Variants in CNOT4 observed in about 807,000 individuals in gnomAD.
The protein encoded by CNOT4 is CCR4-associated factor 4.
CNOT4 carries 8 observed loss-of-function variants against 73.8 expected under a neutral mutation model. That is an observed-to-expected ratio of 0.11 (90% confidence interval 0.06 to 0.20). The LOEUF (loss-of-function observed/expected upper bound fraction) is 0.20, where lower values mean the gene tolerates loss of function less well. CNOT4 is among the 10% of genes least tolerant of loss of function. The probability of loss-of-function intolerance (pLI) is 1.00; values close to 1 mark genes in which losing one functional copy is unlikely to be tolerated. For missense variants in CNOT4, 564 were observed against 883.4 expected, an observed-to-expected ratio of 0.64 and a Z score of 4.58; for synonymous variants, 293 against 321.1, an observed-to-expected ratio of 0.91 and a Z score of 0.94.
Position 135,413,484 on chromosome 7 carries a change from C to CT in CNOT4, c.687+3dup. 6.2e-7 allele frequency: 1 copy of CT among 1,610,896 alleles called. No homozygotes were observed. Among genetic ancestry groups the CT allele is most frequent in the Non-Finnish European group, 8.5e-7 (1 of 1,177,892 alleles). On this transcript the variant is annotated splice_donor_region_variant and intron_variant, in intron 6 of 11. Coordinates refer to ENST00000541284, the MANE Select transcript of CNOT4 (RefSeq NM_001190850.2). ...AAAGTTGATAATTCACATGACTTTA[C>CT]TACCTGCATTTCCTCTTTTGTGAAG...
intron 1 of CNOT4, among the ~76,000 whole-genome samples, chr7:135,468,114 G>A (rs1801339820): frequency 6.6e-6 from 1 of 151,972 alleles, no homozygotes; most frequent in Non-Finnish European, 1.5e-5. Flanking sequence ...TACTTGGGGG[G>A]CTGAGGCAGG....
chr7:135,480,937 T>TA (rs1802337765), intron 1 of CNOT4, among the ~76,000 whole-genome samples: 1 of 143,986 alleles, frequency 6.9e-6, no homozygotes, highest in African/African-American at 2.6e-5. Flanking sequence ...CTCACCATAT[T>TA]AAAAAAATAG....
intron 1 of CNOT4, among the ~76,000 whole-genome samples, chr7:135,470,040 C>G (rs1801477430): frequency 6.6e-6 from 1 of 152,006 alleles, no homozygotes. Flanking sequence ...TTAGGCTGGT[C>G]TCGAACTCCT....
At position 135,458,128 on chromosome 7, in the gene CNOT4, T is replaced by C. The variant is rs544896362; in HGVS notation, c.-92-19705A>G. Among the ~76,000 whole-genome samples, 37 of 152,082 alleles carry C rather than the reference T, an allele frequency of 2.4e-4. 1 individual carries two copies. Among genetic ancestry groups the C allele is most frequent in the Non-Finnish European group, 4.6e-4 (31 of 67,986 alleles). On this transcript the variant is annotated intron_variant, in intron 1 of 11. Transcript: ENST00000541284. Reference sequence around the variant, plus strand: ...CCTACACAGGCATACCCAGAAGATATTGTAGATTCAGTTCCAGGCACCTGC... The same window carrying C: ...CCTACACAGGCATACCCAGAAGATACTGTAGATTCAGTTCCAGGCACCTGC...
intron 10 of CNOT4, chr7:135,388,967 A>G (rs2129483182): frequency 1.4e-6 from 2 of 1,393,848 alleles, no homozygotes; most frequent in Non-Finnish European, 2.0e-6. Context: ...AATGATTTCA[A>G]TATTTGGAAT....
chr7:135,408,989 T>C (rs1391432142), intron 7 of CNOT4, among the ~76,000 whole-genome samples: 2 of 152,206 alleles, frequency 1.3e-5, no homozygotes, highest in African/African-American at 4.8e-5. Flanking sequence ...TATAGTTTTA[T>C]ATTCAGAAGA....
intron 1 of CNOT4, among the ~76,000 whole-genome samples, chr7:135,487,160 A>T (rs553150262): frequency 3.3e-5 from 5 of 151,758 alleles, no homozygotes; most frequent in South Asian, 4.2e-4. Context: ...ACAACCATTT[A>T]AAAAAAAGTT....
chr7:135,468,107 T>G (rs1428067580), intron 1 of CNOT4, among the ~76,000 whole-genome samples: 1 of 151,820 alleles, frequency 6.6e-6, no homozygotes, highest in African/African-American at 2.4e-5. Flanking sequence ...TCCCAGCTAC[T>G]TGGGGGGCTG....
chr7:135,501,566 T>C (rs1014247995), intron 1 of CNOT4, among the ~76,000 whole-genome samples: 8 of 152,176 alleles, frequency 5.3e-5, no homozygotes, highest in Non-Finnish European at 7.3e-5. Flanking sequence ...AAACCTCAAG[T>C]GTCATCCCCA....
chr7:135,430,930 T>C (rs951964389), intron 2 of CNOT4, among the ~76,000 whole-genome samples: 6 of 152,098 alleles, frequency 3.9e-5, no homozygotes, highest in African/African-American at 1.2e-4. Flanking sequence ...TATTAAACAC[T>C]AGAGGAGTTA....
intron 7 of CNOT4, 23 bp downstream of exon 7, chr7:135,410,492 T>C: frequency 7.1e-7 from 1 of 1,416,378 alleles, no homozygotes; most frequent in Non-Finnish European, 9.4e-7. Flanking sequence ...GTAAGATGTC[T>C]GACTATCAAT....
At chr7:135,451,200 T>C (rs1048158050) in intron 1 of CNOT4, among the ~76,000 whole-genome samples, 3 of 152,162 alleles carry the variant, frequency 2.0e-5, no homozygotes, top group African/African-American at 7.2e-5. Flanking sequence ...ATCAGTAAAA[T>C]TAAATAAAGC....
At chr7:135,406,334 A>G (rs544471763) in intron 7 of CNOT4, among the ~76,000 whole-genome samples, 355 of 118,154 alleles carry the variant, frequency 3.0e-3, no homozygotes, top group African/African-American at 0.011. Flanking sequence ...TTTCTATATC[A>G]TGTACTTATG....
chr7:135,500,706 C>T (rs977027142), intron 1 of CNOT4, among the ~76,000 whole-genome samples: 11 of 152,180 alleles, frequency 7.2e-5, no homozygotes, highest in Admixed American at 4.6e-4. Context: ...TGCCCTACTT[C>T]ATCAGAATTT....
intron 2 of CNOT4, among the ~76,000 whole-genome samples, chr7:135,428,697 A>T (rs976583028): frequency 6.6e-6 from 1 of 152,182 alleles, no homozygotes; most frequent in Non-Finnish European, 1.5e-5. Context: ...AGAGATTAAG[A>T]GACATAGAAG....
intron 1 of CNOT4, among the ~76,000 whole-genome samples, chr7:135,459,875 A>G (rs538533554): frequency 1.8e-4 from 28 of 152,362 alleles, no homozygotes; most frequent in African/African-American, 6.7e-4. Context: ...AAATCTGTTT[A>G]GTGTAGCCAT....
chr7:135,388,970 T>A, intron 10 of CNOT4: 1 of 1,358,102 alleles, frequency 7.4e-7, no homozygotes, highest in East Asian at 2.4e-5. Flanking sequence ...GATTTCAATA[T>A]TTGGAATACT....
rs1797537009 is a variant in CNOT4 at position 135,410,538 on chromosome 7, C to G, written c.798G>C (p.Val266=). 1 of 1,551,738 alleles carries G rather than the reference C, an allele frequency of 6.4e-7. No homozygotes were observed. Among genetic ancestry groups the G allele is most frequent in the South Asian group, 1.2e-5 (1 of 80,504 alleles). Residue 266 remains valine (V), a synonymous_variant, in exon 7 of 12, where the codon GTG becomes GTC. Transcript: ENST00000541284. ...TGSVDKNKNK[V]TPLQRYDTPI... ...ACGTATCGTACCTCTGCAGTGGTGT[C>G]ACTTTGTTCTTATTTTTATCAACTG... is the stretch of plus-strand genomic sequence containing the variant.
At chr7:135,463,171 C>A (rs1800982368) in intron 1 of CNOT4, among the ~76,000 whole-genome samples, 1 of 152,128 alleles carries the variant, frequency 6.6e-6, no homozygotes, top group African/African-American at 2.4e-5. Context: ...CAATGCTGGA[C>A]CGCTACCTTA....
Sources: allele counts gnomAD v4.1 joint callset (sites outside exome capture counted in the v4.1 genomes callset), GRCh38; gene constraint gnomAD v4.1.1; transcripts MANE v1.5; gene names NCBI Gene and HGNC (gene_info 2026-07-23, HGNC 2026-07-21).